ARPP21: variants seen among roughly 807,000 people sequenced by gnomAD.
ARPP21 encodes the protein cAMP-regulated phosphoprotein 21.
A neutral mutation model predicts 113.2 loss-of-function variants in ARPP21; 69 were observed. The observed-to-expected ratio is 0.61, with a 90% CI of 0.50 to 0.74. The LOEUF (loss-of-function observed/expected upper bound fraction) is 0.74. ARPP21 is among the 30% of genes least tolerant of loss of function. The pLI, the probability that ARPP21 is intolerant of heterozygous loss-of-function variation, is 0.00. For synonymous variants in ARPP21, 368 were observed against 375.5 expected (o/e 0.98, Z 0.23); for missense variants, 1,070 against 1,037.4 (o/e 1.03, Z -0.43).
At chr3:35,691,710 T>C (rs550612585) in intron 9 of ARPP21, among the ~76,000 whole-genome samples, 1 of 151,764 alleles carries the variant, frequency 6.6e-6, no homozygotes, top group South Asian at 2.1e-4. Context: ...AGTCATTTGC[T>C]TTGAAGCTTG....
At chr3:35,687,970 C>A (rs118160462) in intron 6 of ARPP21, 87 bp downstream of exon 6, 7 of 1,242,554 alleles carry the variant, frequency 5.6e-6, no homozygotes, top group Admixed American at 4.8e-5. Context: ...TGCATATTCA[C>A]CTCCCACCAA....
intron 20 of ARPP21, among the ~76,000 whole-genome samples, chr3:35,792,772 T>C (rs2096771786): frequency 6.6e-6 from 1 of 152,238 alleles, no homozygotes; most frequent in East Asian, 1.9e-4. Context: ...TTCATATTCA[T>C]GGAAGAAAAT....
intron 15 of ARPP21, among the ~76,000 whole-genome samples, chr3:35,730,246 C>T (rs1007702356): frequency 2.6e-5 from 4 of 152,170 alleles, no homozygotes; most frequent in Non-Finnish European, 5.9e-5. Context: ...TTTCAAAAGA[C>T]TGAGGGCACT....
intron 14 of ARPP21, among the ~76,000 whole-genome samples, chr3:35,724,634 G>A (rs146602851): frequency 6.6e-6 from 1 of 152,258 alleles, no homozygotes; most frequent in African/African-American, 2.4e-5. Context: ...GAAATAAAAT[G>A]TACTTTTGTT....
chr3:35,765,612 G>A (rs2151399958), intron 19 of ARPP21, among the ~76,000 whole-genome samples: 1 of 152,260 alleles, frequency 6.6e-6, no homozygotes, highest in Admixed American at 6.5e-5. Flanking sequence ...ACATGTAAAT[G>A]TAAATGAAGA....
At chr3:35,676,356 G>A (rs1366250815) in intron 1 of ARPP21, among the ~76,000 whole-genome samples, 1 of 90,366 alleles carries the variant, frequency 1.1e-5, no homozygotes, top group Admixed American at 1.1e-4. Context: ...AAAAGAAAAT[G>A]TGAGATCCTA....
intron 13 of ARPP21, among the ~76,000 whole-genome samples, chr3:35,721,087 G>A (rs1011818827): frequency 1.1e-4 from 16 of 152,318 alleles, no homozygotes; most frequent in African/African-American, 3.4e-4. Context: ...GGTGATTTCA[G>A]ATGTGTATCT....
chr3:35,780,896 C>T (rs1301035386), intron 19 of ARPP21, among the ~76,000 whole-genome samples: 1 of 151,880 alleles, frequency 6.6e-6, no homozygotes, highest in African/African-American at 2.4e-5. Flanking sequence ...GAGACAGAGG[C>T]GAGATGGTGA....
intron 19 of ARPP21, among the ~76,000 whole-genome samples, chr3:35,754,296 A>G (rs1310114550): frequency 6.6e-6 from 1 of 152,008 alleles, no homozygotes; most frequent in Non-Finnish European, 1.5e-5. Flanking sequence ...TAATAACACT[A>G]AGAGAAGCAA....
chr3:35,708,906 C>T, intron 10 of ARPP21, 63 bp from the exon 11 acceptor site: 1 of 1,120,186 alleles, frequency 8.9e-7, no homozygotes, highest in East Asian at 2.5e-5. Context: ...CTGACAGTTG[C>T]TTAACCACAG....
At chr3:35,769,913 T>G (rs1040502396) in intron 19 of ARPP21, among the ~76,000 whole-genome samples, 1 of 152,190 alleles carries the variant, frequency 6.6e-6, no homozygotes, top group Non-Finnish European at 1.5e-5. Context: ...AACAATTTAT[T>G]GCTAACTACC....
intron 19 of ARPP21, among the ~76,000 whole-genome samples, chr3:35,754,043 C>T (rs1269253518): frequency 6.8e-6 from 1 of 147,908 alleles, no homozygotes; most frequent in Non-Finnish European, 1.5e-5. Flanking sequence ...TTTTTTGCTC[C>T]TTGGGGTTGG....
rs201917747 is a variant in ARPP21 at position 35,739,620 on chromosome 3, G to A, written c.2010+43G>A. On this transcript the variant is annotated intron_variant, in intron 18 of 20. Coordinates refer to ENST00000684406, the MANE Select transcript of ARPP21 (RefSeq NM_001385562.1). The stretch of plus-strand genomic sequence containing the variant: ...TGCCTGTGACCTACAGCTGATTTCT[G>A]ATGCATTTTGACCTTTATCTTTCTA... 2.3e-4 allele frequency: 361 copies of A among 1,558,678 alleles called. 1 individual carries two copies. The African/African-American group carries it at 4.5e-3, about 20-fold the overall frequency.
At chr3:35,662,313 C>G (rs1708200312) in intron 1 of ARPP21, among the ~76,000 whole-genome samples, 1 of 152,164 alleles carries the variant, frequency 6.6e-6, no homozygotes, top group South Asian at 2.1e-4. Flanking sequence ...TTAAGAGGAG[C>G]TAACAATGGC....
At chr3:35,664,991 G>A (rs1376462143) in intron 1 of ARPP21, among the ~76,000 whole-genome samples, 1 of 152,092 alleles carries the variant, frequency 6.6e-6, no homozygotes, top group Non-Finnish European at 1.5e-5. Flanking sequence ...TCCAACATTC[G>A]AATTACATGA....
At chr3:35,787,824 T>C (rs1025236726) in intron 19 of ARPP21, among the ~76,000 whole-genome samples, 1 of 152,178 alleles carries the variant, frequency 6.6e-6, no homozygotes. Flanking sequence ...TATAAATAAA[T>C]GGTACTACAA....
At chr3:35,668,033 G>GAGA (rs149153087) in intron 1 of ARPP21, among the ~76,000 whole-genome samples, 1 of 110,028 alleles carries the variant, frequency 9.1e-6, no homozygotes, top group Non-Finnish European at 1.9e-5. Context: ...GAAGAAGAAG[G>GAGA]AGAAGAAGAA....
intron 11 of ARPP21, among the ~76,000 whole-genome samples, chr3:35,712,564 AAGAG>A (rs796775889): frequency 5.2e-4 from 42 of 81,448 alleles, no homozygotes; most frequent in African/African-American, 1.6e-3. Flanking sequence ...GTGTGTGTGA[AAGAG>A]AGAGAGTGTG....
At chr3:35,679,217 G>A (rs945213398) in intron 1 of ARPP21, among the ~76,000 whole-genome samples, 10 of 151,878 alleles carry the variant, frequency 6.6e-5, no homozygotes, top group Non-Finnish European at 1.5e-4. Context: ...CAAACTATAA[G>A]TAGAGAGAAA....
Sources: gnomAD v4.1 joint callset for allele counts (sites outside exome capture counted in the v4.1 genomes callset) on GRCh38, gnomAD v4.1.1 for gene constraint, MANE v1.5 for transcripts, NCBI Gene and HGNC (gene_info 2026-07-23, HGNC 2026-07-21) for gene names.